The following CCNY variants were observed in gnomAD, a reference collection of about 807,000 sequenced individuals.
CCNY encodes the protein cyclin-Y.
In CCNY, 19 loss-of-function variants were observed where a neutral mutation model predicts 42.8. The observed-to-expected ratio is 0.44, with a 90% confidence interval of 0.31 to 0.65. The LOEUF is 0.65. CCNY is among the 30% of genes least tolerant of loss of function. CCNY has a pLI of 0.07. For synonymous variants in CCNY, 165 were observed against 162.7 expected (o/e 1.01, Z -0.11); for missense variants, 370 against 437.3 (o/e 0.85, Z 1.37).
chr10:35,257,252 C>T (rs1303770407), intron 3 of CCNY, among the ~76,000 whole-genome samples: 2 of 127,758 alleles, frequency 1.6e-5, no homozygotes, highest in African/African-American at 2.9e-5. Context: ...CTTTCTTTCT[C>T]TCTCTCTTTC....
chr10:35,327,948 G>A (rs1835898707), intron 3 of CCNY, among the ~76,000 whole-genome samples: 2 of 152,174 alleles, frequency 1.3e-5, no homozygotes, highest in Admixed American at 6.5e-5. Flanking sequence ...GTGAAGGAAC[G>A]AGGCTTACAG....
intron 1 of CCNY, chr10:35,347,245 C>G (rs1836326059): frequency 1.3e-5 from 2 of 155,052 alleles, no homozygotes; most frequent in Middle Eastern, 3.3e-3. Context: ...GTGTGAGCAG[C>G]TTAGACATGT....
At chr10:35,553,435 A>G (rs1841301294) in intron 8 of CCNY, among the ~76,000 whole-genome samples, 3 of 152,174 alleles carry the variant, frequency 2.0e-5, no homozygotes, top group Non-Finnish European at 4.4e-5. Context: ...TACAGAAACT[A>G]TATTGTAGGC....
At chr10:35,433,336 A>G (rs1294248364) in intron 1 of CCNY, among the ~76,000 whole-genome samples, 1 of 152,156 alleles carries the variant, frequency 6.6e-6, no homozygotes, top group Non-Finnish European at 1.5e-5. Flanking sequence ...TTCAAGTCCT[A>G]GAATGTTTTT....
intron 2 of CCNY, among the ~76,000 whole-genome samples, chr10:35,497,972 G>A (rs566262094): frequency 2.0e-5 from 3 of 152,144 alleles, no homozygotes; most frequent in African/African-American, 7.2e-5. Context: ...CTGCTTTATG[G>A]GGGTCCAGGA....
At chr10:35,406,905 G>A (rs1277743723) in intron 1 of CCNY, among the ~76,000 whole-genome samples, 1 of 152,182 alleles carries the variant, frequency 6.6e-6, no homozygotes, top group African/African-American at 2.4e-5. Context: ...CGGCCAGGCA[G>A]AGGGGCTTTT....
chr10:35,446,958 C>CTAT (rs1362079638), intron 1 of CCNY, among the ~76,000 whole-genome samples: 1 of 152,138 alleles, frequency 6.6e-6, no homozygotes, highest in Non-Finnish European at 1.5e-5. Flanking sequence ...TTTTGGAAAA[C>CTAT]ATATAGTTAC....
intron 1 of CCNY, among the ~76,000 whole-genome samples, chr10:35,356,980 C>T (rs142395984): frequency 3.9e-5 from 6 of 152,260 alleles, no homozygotes; most frequent in Admixed American, 2.0e-4. Context: ...TGACTCCATG[C>T]ACAAGGGCCT....
At chr10:35,557,109 G>GA in intron 8 of CCNY, among the ~76,000 whole-genome samples, 1 of 152,140 alleles carries the variant, frequency 6.6e-6, no homozygotes, top group South Asian at 2.1e-4. Flanking sequence ...GCCTTAATTT[G>GA]AAAATTTTTA....
intron 1 of CCNY, among the ~76,000 whole-genome samples, chr10:35,350,592 A>C (rs1836408631): frequency 6.6e-6 from 1 of 152,186 alleles, no homozygotes; most frequent in Admixed American, 6.5e-5. Flanking sequence ...CCCCCGAGGC[A>C]GGTGGTGAAC....
chr10:35,514,130 G>A (rs1322425474), intron 3 of CCNY, among the ~76,000 whole-genome samples: 4 of 149,566 alleles, frequency 2.7e-5, no homozygotes, highest in Admixed American at 1.3e-4. Context: ...AGCATTTCTA[G>A]TAGAAGGATT....
chr10:35,538,886 A>G (rs1317977376), intron 7 of CCNY, among the ~76,000 whole-genome samples: 1 of 152,180 alleles, frequency 6.6e-6, no homozygotes, highest in Non-Finnish European at 1.5e-5. Flanking sequence ...TTACCCCTAT[A>G]TCTTCCTTTA....
intron 5 of CCNY, among the ~76,000 whole-genome samples, chr10:35,526,973 C>A (rs2474742): frequency 1.3e-5 from 2 of 152,162 alleles, no homozygotes; most frequent in Non-Finnish European, 2.9e-5. Flanking sequence ...GAGCTCAGCC[C>A]GTGGGAGCCC....
At chr10:35,498,026 T>C (rs1270628644) in intron 2 of CCNY, among the ~76,000 whole-genome samples, 1 of 152,070 alleles carries the variant, frequency 6.6e-6, no homozygotes, top group African/African-American at 2.4e-5. Context: ...CTGTAACTTA[T>C]TACAGTGCAA....
At chr10:35,400,214 G>A (rs974855472) in intron 1 of CCNY, among the ~76,000 whole-genome samples, 2 of 147,726 alleles carry the variant, frequency 1.4e-5, no homozygotes, top group East Asian at 2.1e-4. Flanking sequence ...TACTAAAAAC[G>A]GCTTCTAGTG....
At chr10:35,421,182 G>A (rs2135263413) in intron 1 of CCNY, among the ~76,000 whole-genome samples, 1 of 152,330 alleles carries the variant, frequency 6.6e-6, no homozygotes, top group South Asian at 2.1e-4. Flanking sequence ...GCCCACTCAG[G>A]TGTTGTTCCT....
At chr10:35,481,345 A>G (rs1308404206) in intron 1 of CCNY, among the ~76,000 whole-genome samples, 4 of 152,348 alleles carry the variant, frequency 2.6e-5, no homozygotes, top group Non-Finnish European at 2.9e-5. Flanking sequence ...ATCTGCAGGC[A>G]GTTAGGGGAT....
At chr10:35,270,565 T>A (rs1835150449) in intron 3 of CCNY, among the ~76,000 whole-genome samples, 1 of 152,140 alleles carries the variant, frequency 6.6e-6, no homozygotes, top group Non-Finnish European at 1.5e-5. Flanking sequence ...GGTTTTTGCC[T>A]GAATTGGTGC....
intron 1 of CCNY, among the ~76,000 whole-genome samples, chr10:35,409,153 G>C (rs955174241): frequency 9.9e-5 from 15 of 151,622 alleles, no homozygotes; most frequent in Admixed American, 4.0e-4. Flanking sequence ...TCAAGCTCCT[G>C]ATCCTAATCC....
Sources: gnomAD v4.1 joint callset for allele counts (sites outside exome capture counted in the v4.1 genomes callset) on GRCh38, gnomAD v4.1.1 for gene constraint, MANE v1.5 for transcripts, NCBI Gene and HGNC (gene_info 2026-07-23, HGNC 2026-07-21) for gene names.